IQGAP1: variants seen among roughly 807,000 people sequenced by gnomAD.
The protein encoded by IQGAP1 is IQ motif containing GTPase activating protein 1, also known as ras GTPase-activating-like protein IQGAP1.
Under a neutral mutation model 215.6 loss-of-function variants are expected in IQGAP1, and 66 were observed. That is an observed-to-expected ratio of 0.31 (90% CI 0.25 to 0.38). The LOEUF (loss-of-function observed/expected upper bound fraction) is 0.38. IQGAP1 is among the 10% of genes least tolerant of loss of function. The probability of loss-of-function intolerance (pLI) is 1.00; values close to 1 mark genes in which losing one functional copy is unlikely to be tolerated. For missense variants in IQGAP1, 1,712 were observed against 1,997.1 expected (o/e 0.86, Z 2.72); for synonymous variants, 772 against 728.7 (o/e 1.06, Z -0.96).
rs1011198934 is a variant in IQGAP1 at position 90,501,558 on chromosome 15, A to T, written c.*1450A>T. On this transcript the variant is annotated 3_prime_UTR_variant, in exon 38 of 38. Coordinates refer to ENST00000268182, the MANE Select transcript of IQGAP1 (RefSeq NM_003870.4). ...AAACTGCTTTAATGAATAACAAACT[A>T]TGTAGTGTGTCCCTATTATAAATGC... 1 of 152,226 alleles carries T rather than the reference A, an allele frequency of 6.6e-6. No homozygotes were observed. The highest frequency in any genetic ancestry group is 2.4e-5 in the African/African-American group (1 of 41,454). The allele number at this position is 152,226 out of a possible 1,614,324, so 9.4% of individuals were successfully genotyped here.
At chr15:90,395,523 T>C (rs1172152847) in intron 2 of IQGAP1, among the ~76,000 whole-genome samples, 2 of 152,138 alleles carry the variant, frequency 1.3e-5, no homozygotes, top group Non-Finnish European at 2.9e-5. Flanking sequence ...GGTTTCACCG[T>C]GTTAGCCAGG....
intron 18 of IQGAP1, among the ~76,000 whole-genome samples, chr15:90,470,428 T>A (rs1965889551): frequency 6.6e-6 from 1 of 152,218 alleles, no homozygotes; most frequent in African/African-American, 2.4e-5. Flanking sequence ...AGGCTCTGAT[T>A]CTAGTGCGAG....
intron 36 of IQGAP1, among the ~76,000 whole-genome samples, chr15:90,496,058 A>G (rs1220159400): frequency 2.6e-5 from 4 of 151,682 alleles, no homozygotes; most frequent in Non-Finnish European, 5.9e-5. Context: ...TAAATAGCCA[A>G]CTAAATCTGG....
chr15:90,473,489 A>G, intron 19 of IQGAP1: 2 of 519,644 alleles, frequency 3.8e-6, no homozygotes, highest in Non-Finnish European at 7.0e-6. Flanking sequence ...GCACTGTAAA[A>G]GGTGTGCAGG....
intron 27 of IQGAP1, 37 bp downstream of exon 27, chr15:90,482,137 C>A (rs1025960547): frequency 1.9e-6 from 3 of 1,614,102 alleles, no homozygotes; most frequent in Admixed American, 1.7e-5. Context: ...CCAGTAGAAC[C>A]CAGCACTAAG....
chr15:90,429,796 G>T, intron 4 of IQGAP1, 130 bp downstream of exon 4: 3 of 537,248 alleles, frequency 5.6e-6, no homozygotes, highest in Non-Finnish European at 9.9e-6. Flanking sequence ...ACTAAAAGAT[G>T]TCTTTCTTTT....
intron 18 of IQGAP1, among the ~76,000 whole-genome samples, chr15:90,469,569 T>G (rs1366031469): frequency 6.6e-6 from 1 of 152,218 alleles, no homozygotes; most frequent in African/African-American, 2.4e-5. Context: ...TCAGAGAGTC[T>G]CTACCTTCCA....
intron 2 of IQGAP1, among the ~76,000 whole-genome samples, chr15:90,411,209 C>T (rs1262418484): frequency 6.6e-6 from 1 of 152,140 alleles, no homozygotes; most frequent in Non-Finnish European, 1.5e-5. Context: ...TTTATTATAA[C>T]TTTTCTCTTT....
chr15:90,410,060 G>C (rs1316066687), intron 2 of IQGAP1, among the ~76,000 whole-genome samples: 2 of 152,176 alleles, frequency 1.3e-5, no homozygotes, highest in Non-Finnish European at 2.9e-5. Context: ...CCCTTTGTCA[G>C]ATGAGCAGAT....
chr15:90,458,436 G>A (rs1219617153), intron 15 of IQGAP1, among the ~76,000 whole-genome samples: 4 of 152,114 alleles, frequency 2.6e-5, no homozygotes, highest in Non-Finnish European at 5.9e-5. Flanking sequence ...TATGGAAGCC[G>A]ACCTAGCTTA....
chr15:90,393,630 G>A (rs971534857), intron 2 of IQGAP1: 1 of 152,104 alleles, frequency 6.6e-6, no homozygotes, highest in Non-Finnish European at 1.5e-5. Context: ...CTTATGCTGG[G>A]ATATCATGAC....
Position 90,467,573 on chromosome 15 carries a change from T to G in IQGAP1, c.2159T>G (p.Leu720Arg). Residue 720 changes from leucine (L) to arginine (R), a missense_variant, in exon 18 of 38, where the codon CTT becomes CGT. Leu to Arg is a moderately radical substitution (Grantham distance 102). Transcript: ENST00000268182. ...AATTTTGTGCAAAATTCTATGCAGCTTTCTCGGGAGGAGATCCAGGTAGGT... is the reference window on the plus strand; with the variant it reads ...AATTTTGTGCAAAATTCTATGCAGCGTTCTCGGGAGGAGATCCAGGTAGGT... ...PPNFVQNSMQ[L>R]SREEIQSSIS... 6.2e-7 allele frequency: 1 copy of G among 1,611,382 alleles called. No individual in the cohort carries two copies. The highest frequency in any genetic ancestry group is 1.3e-5 in the African/African-American group (1 of 74,682).
At chr15:90,446,886 G>T (rs141799942) in intron 9 of IQGAP1, among the ~76,000 whole-genome samples, 3 of 152,048 alleles carry the variant, frequency 2.0e-5, no homozygotes, top group Admixed American at 1.3e-4. Context: ...ACTTTATTAT[G>T]TTTGCAATAT....
In IQGAP1 at chr15:90,390,056, G is replaced by A. The variant is rs139159882; in HGVS notation, c.56-718G>A. On this transcript the variant is annotated intron_variant, in intron 1 of 37. Transcript: ENST00000268182. ...ATTGAAAGTAGAGGGATACTGTGTT[G>A]GGAACTGAGTGATGTAGACTGCACA... Among the ~76,000 whole-genome samples the A allele has an allele frequency of 2.2e-3, 328 of 152,258 alleles. 1 individual carries two copies. The highest frequency in any genetic ancestry group is 7.6e-3 in the African/African-American group (316 of 41,552).
intron 2 of IQGAP1, among the ~76,000 whole-genome samples, chr15:90,398,420 G>A (rs1242584300): frequency 2.6e-5 from 4 of 152,074 alleles, no homozygotes; most frequent in African/African-American, 9.7e-5. Context: ...TATTTAAAAT[G>A]CTTTTTACAG....
At chr15:90,499,406 A>G (rs1280502089) in intron 37 of IQGAP1, among the ~76,000 whole-genome samples, 3 of 152,238 alleles carry the variant, frequency 2.0e-5, no homozygotes. Flanking sequence ...TGCTTACACA[A>G]TGCCAAGCAC....
intron 37 of IQGAP1, 110 bp from the exon 38 acceptor site, chr15:90,499,885 A>C: frequency 1.5e-6 from 1 of 685,786 alleles, no homozygotes. Context: ...CACACAAGGC[A>C]GGCCTCAGTC....
intron 2 of IQGAP1, among the ~76,000 whole-genome samples, chr15:90,421,835 A>G (rs915272126): frequency 3.9e-5 from 6 of 152,100 alleles, no homozygotes; most frequent in South Asian, 2.1e-4. Flanking sequence ...TAATTTTTGT[A>G]TTTTTTGTAG....
chr15:90,436,159 C>T (rs965749389), intron 5 of IQGAP1, among the ~76,000 whole-genome samples: 1 of 151,268 alleles, frequency 6.6e-6, no homozygotes, highest in Non-Finnish European at 1.5e-5. Flanking sequence ...AGATAACATT[C>T]CACTCTCAGA....
Sources: gnomAD v4.1 joint callset for allele counts (sites outside exome capture counted in the v4.1 genomes callset) on GRCh38, gnomAD v4.1.1 for gene constraint, MANE v1.5 for transcripts, NCBI Gene and HGNC (gene_info 2026-07-23, HGNC 2026-07-21) for gene names.